APOLD1: variants seen among roughly 807,000 people sequenced by gnomAD.
APOLD1 encodes apolipoprotein L domain containing 1.
Under a neutral mutation model 15.3 loss-of-function variants are expected in APOLD1, and 22 were observed. The observed-to-expected ratio is 1.44, with a 90% confidence interval of 1.03 to 2.05. The LOEUF (loss-of-function observed/expected upper bound fraction) is 2.05, where lower values mean the gene tolerates loss of function less well. APOLD1 is among the 30% of genes most tolerant of loss of function. The pLI is 0.00. For missense variants in APOLD1, 394 were observed against 353.5 expected, an observed-to-expected ratio of 1.11 and a Z score of -0.92; for synonymous variants, 190 against 167.4, an observed-to-expected ratio of 1.13 and a Z score of -1.04.
chr12:12,753,317 A>G (rs1946828191), intron 1 of APOLD1, among the ~76,000 whole-genome samples: 2 of 152,236 alleles, frequency 1.3e-5, no homozygotes, highest in Admixed American at 6.5e-5. Flanking sequence ...GGTAATATAC[A>G]TATGTATAAG....
intron 1 of APOLD1, chr12:12,764,803 TA>T: frequency 2.6e-6 from 1 of 391,982 alleles, no homozygotes; most frequent in Non-Finnish European, 5.6e-6. Flanking sequence ...CAGTGAAGAG[TA>T]AGGAAGGCCA....
At chr12:12,736,418 T>TGTA (rs758302047) in intron 1 of APOLD1, among the ~76,000 whole-genome samples, 2 of 151,616 alleles carry the variant, frequency 1.3e-5, no homozygotes, top group African/African-American at 2.4e-5. Flanking sequence ...TCCCAGCTAC[T>TGTA]TGGGAGGCTG....
chr12:12,729,785 T>A (rs1410333777), intron 1 of APOLD1, among the ~76,000 whole-genome samples: 1 of 151,374 alleles, frequency 6.6e-6, no homozygotes, highest in African/African-American at 2.4e-5. Context: ...AATAATAATA[T>A]AAAAATAATT....
chr12:12,759,077 G>C (rs1946879149), intron 1 of APOLD1, among the ~76,000 whole-genome samples: 1 of 152,174 alleles, frequency 6.6e-6, no homozygotes, highest in African/African-American at 2.4e-5. Flanking sequence ...CTCACATCCT[G>C]TGCGGGAGGG....
At chr12:12,734,026 A>G (rs976615436) in intron 1 of APOLD1, among the ~76,000 whole-genome samples, 19 of 152,038 alleles carry the variant, frequency 1.2e-4, no homozygotes, top group African/African-American at 4.4e-4. Context: ...TTCTTTAATA[A>G]TTTTTCCTCC....
rs546318376 is a variant in APOLD1 at position 12,779,819 on chromosome 12, G to A, written c.97-7090G>A. On this transcript the variant is annotated intron_variant, in intron 1 of 1. Coordinates refer to the APOLD1 transcript ENST00000326765. ...AACGTTAAGTAGAAAAAAGAACACA[G>A]GCTAGTGTTTAAACACTAGTGATTA... Among the ~76,000 whole-genome samples the A allele has an allele frequency of 2.6e-5, 4 of 152,274 alleles. No individual in the cohort carries two copies. The South Asian group carries it at 6.2e-4, about 24-fold the overall frequency.
intron 1 of APOLD1, among the ~76,000 whole-genome samples, chr12:12,778,851 G>A (rs541610760): frequency 2.0e-4 from 31 of 152,258 alleles, no homozygotes; most frequent in Admixed American, 7.8e-4. Flanking sequence ...CCTGGCTTTA[G>A]TTGTGTACCT....
At chr12:12,749,666 C>A (rs1331065487) in intron 1 of APOLD1, among the ~76,000 whole-genome samples, 1 of 152,300 alleles carries the variant, frequency 6.6e-6, no homozygotes, top group African/African-American at 2.4e-5. Context: ...TGCGGACCAC[C>A]ACTTTATTTA....
At chr12:12,758,850 C>T (rs1946878057) in intron 1 of APOLD1, among the ~76,000 whole-genome samples, 1 of 152,160 alleles carries the variant, frequency 6.6e-6, no homozygotes, top group Non-Finnish European at 1.5e-5. Context: ...GAACCTTCAC[C>T]TTTTCATTTA....
intron 1 of APOLD1, among the ~76,000 whole-genome samples, chr12:12,764,926 C>A (rs538274394): frequency 6.6e-6 from 1 of 152,260 alleles, no homozygotes; most frequent in South Asian, 2.1e-4. Context: ...TGTTCCTGGC[C>A]TGAGAGTTCA....
intron 1 of APOLD1, among the ~76,000 whole-genome samples, chr12:12,747,077 T>G (rs1592294265): frequency 1.3e-5 from 2 of 152,230 alleles, no homozygotes; most frequent in African/African-American, 4.8e-5. Context: ...GACTTCCGCC[T>G]TACTTTTTAA....
At chr12:12,747,937 A>G (rs1343167006) in intron 1 of APOLD1, among the ~76,000 whole-genome samples, 2 of 152,072 alleles carry the variant, frequency 1.3e-5, no homozygotes, top group Admixed American at 1.3e-4. Context: ...TGGGCTAGGT[A>G]GGTTTTTGTG....
intron 1 of APOLD1, among the ~76,000 whole-genome samples, chr12:12,770,567 G>GAAAAAAAAAAAAAAACAAA (rs36112693): frequency 1.7e-5 from 2 of 119,270 alleles, no homozygotes; most frequent in African/African-American, 3.1e-5. Flanking sequence ...AAAAAAGACT[G>GAAAAAAAAAAAAAAACAAA]AAAAAAAAAA....
intron 1 of APOLD1, among the ~76,000 whole-genome samples, chr12:12,732,071 G>A (rs925016856): frequency 2.6e-5 from 4 of 152,152 alleles, no homozygotes; most frequent in Non-Finnish European, 5.9e-5. Flanking sequence ...ATGCCTGTAC[G>A]TTGCTGGTGA....
chr12:12,734,877 C>T (rs56692845), intron 1 of APOLD1, among the ~76,000 whole-genome samples: 34,369 of 152,008 alleles, frequency 0.23, 4,408 homozygotes, highest in East Asian at 0.45. Context: ...GAGCGCTGGC[C>T]TCCTGGAGCT....
chr12:12,755,250 T>A (rs1690266482), intron 1 of APOLD1, among the ~76,000 whole-genome samples: 2 of 152,084 alleles, frequency 1.3e-5, no homozygotes, highest in Admixed American at 6.6e-5. Context: ...TCGTTATATA[T>A]AATGAGATCC....
At chr12:12,751,904 T>G (rs1208689638) in intron 1 of APOLD1, among the ~76,000 whole-genome samples, 1 of 152,142 alleles carries the variant, frequency 6.6e-6, no homozygotes, top group African/African-American at 2.4e-5. Context: ...AGAAGCAGAT[T>G]GGAATGATGA....
rs772781087 is a variant in APOLD1, at chr12:12,746,167, C to T, written c.96+20071C>T. On this transcript the variant is annotated intron_variant, in intron 1 of 1. Transcript: ENST00000326765. ...GGTGGGAATCCAAGAAGGCTTAAAACGTATGTCTCTGTAGTTGAGAAAAGG... is the reference window on the plus strand; with the variant it reads ...GGTGGGAATCCAAGAAGGCTTAAAATGTATGTCTCTGTAGTTGAGAAAAGG... 7.9e-5 allele frequency among the ~76,000 whole-genome samples: 12 copies of T among 152,076 alleles called. 1 individual carries two copies. The highest frequency in any genetic ancestry group is 1.2e-4 in the African/African-American group (5 of 41,332).
intron 1 of APOLD1, among the ~76,000 whole-genome samples, chr12:12,736,082 G>A (rs1161329861): frequency 6.6e-6 from 1 of 152,140 alleles, no homozygotes; most frequent in Non-Finnish European, 1.5e-5. Flanking sequence ...TAGGCTGGGA[G>A]CAGTGGTTCA....
Sources: gnomAD v4.1 joint callset for allele counts (sites outside exome capture counted in the v4.1 genomes callset) on GRCh38, gnomAD v4.1.1 for gene constraint, MANE v1.5 for transcripts, NCBI Gene and HGNC (gene_info 2026-07-23, HGNC 2026-07-21) for gene names.